Variants in TARBP1 observed in about 807,000 individuals in gnomAD.
TARBP1 encodes the protein tRNA guanosine 2 -O-methyltransferase TARBP1, also known as tRNA (guanosine(18)-2'-O)-methyltransferase TARBP1.
A neutral mutation model predicts 178.6 loss-of-function variants in TARBP1; 144 were observed. The ratio of observed to expected loss-of-function variants is 0.81; its 90% CI spans 0.70 to 0.93. TARBP1 has a LOEUF of 0.93. Among genes scored for constraint, TARBP1 ranks in the 40% least tolerant of loss-of-function variants. TARBP1 has a pLI of 0.00. For synonymous variants in TARBP1, 787 were observed against 781.0 expected (o/e 1.01, Z -0.13); for missense variants, 2,067 against 2,011.7 (o/e 1.03, Z -0.53).
At chr1:234,392,107 C>T (rs1023792267) in intron 29 of TARBP1, among the ~76,000 whole-genome samples, 1 of 152,206 alleles carries the variant, frequency 6.6e-6, no homozygotes, top group Admixed American at 6.5e-5. Context: ...GTGGCTCACG[C>T]CTGTAATCCC....
intron 23 of TARBP1, among the ~76,000 whole-genome samples, chr1:234,408,200 G>GTT (rs543788841): frequency 7.0e-6 from 1 of 143,560 alleles, no homozygotes; most frequent in East Asian, 2.0e-4. Flanking sequence ...ATTAAGAAAG[G>GTT]TTTTTTTTTT....
chr1:234,472,807 T>C lies in TARBP1; in HGVS notation c.936A>G (p.Pro312=), dbSNP rs1338136660. The change falls in exon 2 of 30, where the codon CCA becomes CCG. Residue 312 remains proline (P), a synonymous_variant. Transcript: ENST00000040877. ...CTCGPQEGNG[P]SLFWWSERKK... is the part of the protein sequence containing the mutation. ...TCCTCTCAGACCACCAAAACAGACT[T>C]GGGCCTGATATGGTTTAAAAAAGAA... 6.3e-7 allele frequency: 1 copy of C among 1,594,090 alleles called. No homozygotes were observed. Among genetic ancestry groups the C allele is most frequent in the Non-Finnish European group, 8.5e-7 (1 of 1,174,968 alleles).
chr1:234,418,094 C>G lies in TARBP1; in HGVS notation c.3695G>C (p.Cys1232Ser). ...ATATTCTTTACTTACATAAGAAAAA[C>G]AATCCCAGAACTTTGGAAGAAATTG... ...FPQFLPKFWD[C>S]FSYGEENLKT... The change falls in exon 22 of 30, where the codon TGT (cysteine) becomes TCT (serine). Residue 1232 changes from cysteine (C) to serine (S), a missense_variant. Cys to Ser is a moderately radical substitution (Grantham distance 112). Transcript: ENST00000040877. 7.3e-7 allele frequency: 1 copy of G among 1,360,932 alleles called. No individual in the cohort carries two copies. The highest frequency in any genetic ancestry group is 9.8e-7 in the Non-Finnish European group (1 of 1,021,478). 84.3% of individuals were successfully genotyped at this position (1,360,932 alleles called of 1,614,324 possible). A position where few individuals can be genotyped will look rare whatever the true frequency, so the allele number is the denominator to read the frequency against.
rs977864027 is a variant in TARBP1, at chr1:234,437,333, G to A, written c.2174C>T (p.Thr725Ile). The change falls in exon 13 of 30, where the codon ACT (threonine) becomes ATT (isoleucine). Residue 725 changes from threonine (T) to isoleucine (I), a missense_variant. Physicochemically the swap from Thr to Ile is moderately conservative, Grantham distance 89. Transcript: ENST00000040877. The part of the protein sequence containing the change: ...STVLQNFFMS[T>I]TESISEFILR... ...AATAAATTCAGAAATGCTCTCTGTAGTAGACATGAAAAAGTTCTGAAGAAC... is the reference window on the plus strand; with the variant it reads ...AATAAATTCAGAAATGCTCTCTGTAATAGACATGAAAAAGTTCTGAAGAAC... The A allele has an allele frequency of 2.5e-6, 4 of 1,597,096 alleles. No homozygotes were observed. Among genetic ancestry groups the A allele is most frequent in the African/African-American group, 1.3e-5 (1 of 74,636 alleles).
chr1:234,433,528 G>A lies in TARBP1; in HGVS notation c.2276C>T (p.Thr759Ile), dbSNP rs777812906. The A allele has an allele frequency of 1.9e-6, 3 of 1,613,976 alleles. No homozygotes were observed. Among genetic ancestry groups the A allele is most frequent in the Non-Finnish European group, 2.5e-6 (3 of 1,180,000 alleles). ...DRCHLYLMVLTELINLHLKVG... is the reference protein window; with the variant it reads ...DRCHLYLMVLIELINLHLKVG... ...CTTCAAATGCAGATTTATAAGCTCA[G>A]TTAACACCATCAGGTATAAATGGCA... Residue 759 changes from threonine to isoleucine, a missense_variant, in exon 14 of 30, where the codon ACT (threonine) becomes ATT (isoleucine). By Grantham distance (89) the Thr-to-Ile change is moderately conservative. Coordinates refer to ENST00000040877, the MANE Select transcript of TARBP1 (RefSeq NM_005646.4).
At chr1:234,433,353 G>A (rs1664670994) in intron 14 of TARBP1, 57 bp downstream of exon 14, 1 of 1,526,860 alleles carries the variant, frequency 6.5e-7, no homozygotes, top group Admixed American at 2.0e-5. Flanking sequence ...AACTGAATAT[G>A]TATTCCCTGT....
At chr1:234,451,881 C>G (rs908618824) in intron 9 of TARBP1, among the ~76,000 whole-genome samples, 5 of 151,962 alleles carry the variant, frequency 3.3e-5, no homozygotes, top group African/African-American at 1.2e-4. Flanking sequence ...TTTATCAAGT[C>G]GGATAATCTT....
At chr1:234,431,300 G>A (rs1039803202) in intron 14 of TARBP1, among the ~76,000 whole-genome samples, 2 of 152,062 alleles carry the variant, frequency 1.3e-5, no homozygotes, top group Non-Finnish European at 2.9e-5. Flanking sequence ...GCCAACTATC[G>A]TCCCTGCTAA....
At chr1:234,415,837 T>C (rs1322360922) in intron 22 of TARBP1, among the ~76,000 whole-genome samples, 2 of 152,176 alleles carry the variant, frequency 1.3e-5, no homozygotes, top group Admixed American at 6.5e-5. Context: ...GAGCCTCCCC[T>C]GTTCCTGCCA....
At chr1:234,409,727 C>G (rs1238038516) in intron 23 of TARBP1, among the ~76,000 whole-genome samples, 1 of 152,170 alleles carries the variant, frequency 6.6e-6, no homozygotes, top group Non-Finnish European at 1.5e-5. Context: ...AGCTTATTTT[C>G]CCTTATATTT....
intron 9 of TARBP1, among the ~76,000 whole-genome samples, chr1:234,456,009 G>A (rs1288820758): frequency 1.4e-4 from 22 of 152,132 alleles, no homozygotes; most frequent in African/African-American, 5.1e-4. Flanking sequence ...TACCAAAGTG[G>A]CAAAGAATTT....
intron 7 of TARBP1, 107 bp from the exon 8 acceptor site, chr1:234,459,433 A>C: frequency 3.8e-6 from 3 of 795,620 alleles, no homozygotes; most frequent in Non-Finnish European, 5.9e-6. Context: ...CTAATGCAGA[A>C]AGTCTGCAGA....
chr1:234,392,713 C>CT (rs373165088), intron 28 of TARBP1, 161 bp from the exon 29 acceptor site: 19,799 of 339,822 alleles, frequency 0.058, 1 homozygote, highest in South Asian at 0.092. Context: ...ACATCAATTT[C>CT]TTTTTTTTTT....
intron 20 of TARBP1, among the ~76,000 whole-genome samples, chr1:234,421,433 G>A (rs1663080216): frequency 6.6e-6 from 1 of 152,180 alleles, no homozygotes; most frequent in South Asian, 2.1e-4. Flanking sequence ...TGGGAGCTAT[G>A]GGTTCCAGGG....
At chr1:234,424,283 A>ACAG (rs1663458852) in intron 20 of TARBP1, among the ~76,000 whole-genome samples, 1 of 152,240 alleles carries the variant, frequency 6.6e-6, no homozygotes. Context: ...TACATGGGGA[A>ACAG]CAGAGCACCA....
At chr1:234,474,880 G>C (rs866583498) in intron 1 of TARBP1, among the ~76,000 whole-genome samples, 3 of 152,196 alleles carry the variant, frequency 2.0e-5, no homozygotes, top group African/African-American at 7.2e-5. Context: ...ACTGTTGTGC[G>C]GTGGGTGGGG....
intron 22 of TARBP1, among the ~76,000 whole-genome samples, chr1:234,414,230 G>A (rs756480346): frequency 5.3e-5 from 8 of 152,186 alleles, no homozygotes; most frequent in Non-Finnish European, 1.2e-4. Context: ...GGACATGGCT[G>A]TGTTCCAATA....
intron 5 of TARBP1, 133 bp downstream of exon 5, chr1:234,465,523 G>C: frequency 1.4e-6 from 1 of 697,796 alleles, no homozygotes; most frequent in Non-Finnish European, 2.2e-6. Context: ...ATAGAAAAAG[G>C]ACCACATGAT....
chr1:234,450,545 T>C lies in TARBP1; in HGVS notation c.1744A>G (p.Asn582Asp). Reference sequence around the variant, plus strand: ...GGGGATGGCTTAAAATAGCTTTCATTAACACGTAGCCAGTCACACAGCTGG... The same window carrying C: ...GGGGATGGCTTAAAATAGCTTTCATCAACACGTAGCCAGTCACACAGCTGG... The part of the protein sequence containing the change: ...WTELCDWLRV[N>D]ESYFKPSPTC... The change falls in exon 10 of 30, where the codon AAT (asparagine) becomes GAT (aspartate). Residue 582 changes from asparagine (N) to aspartate (D), a missense_variant. By Grantham distance (23) the Asn-to-Asp change is conservative. Coordinates refer to ENST00000040877, the MANE Select transcript of TARBP1 (RefSeq NM_005646.4). 1 of 1,610,178 alleles carries C rather than the reference T, an allele frequency of 6.2e-7. No homozygotes were observed. Among genetic ancestry groups the C allele is most frequent in the African/African-American group, 1.3e-5 (1 of 74,804 alleles).
Sources: allele counts gnomAD v4.1 joint callset (sites outside exome capture counted in the v4.1 genomes callset), GRCh38; gene constraint gnomAD v4.1.1; transcripts MANE v1.5; gene names NCBI Gene and HGNC (gene_info 2026-07-23, HGNC 2026-07-21).